PDZRN4: variants seen among roughly 807,000 people sequenced by gnomAD.
PDZRN4 encodes PDZ domain-containing RING finger protein 4.
Under a neutral mutation model 99.0 loss-of-function variants are expected in PDZRN4, and 70 were observed. That is an observed-to-expected ratio of 0.71 (90% CI 0.58 to 0.86). PDZRN4 has a LOEUF of 0.86. Ranked by LOEUF, PDZRN4 falls within the 40% of genes least tolerant of loss-of-function variation. The probability of loss-of-function intolerance (pLI) is 0.00; values close to 1 mark genes in which losing one functional copy is unlikely to be tolerated. For synonymous variants in PDZRN4, 551 were observed against 501.6 expected (o/e 1.10, Z -1.32); for missense variants, 1,474 against 1,331.2 (o/e 1.11, Z -1.67).
chr12:41,544,990 G>A (rs777757912), intron 5 of PDZRN4, among the ~76,000 whole-genome samples: 4 of 152,136 alleles, frequency 2.6e-5, no homozygotes, highest in African/African-American at 7.2e-5. Flanking sequence ...TTTAAGAACC[G>A]ATAGGACAAT....
chr12:41,403,277 G>A (rs758566016), intron 3 of PDZRN4, among the ~76,000 whole-genome samples: 70 of 151,994 alleles, frequency 4.6e-4, no homozygotes, highest in Non-Finnish European at 5.1e-4. Flanking sequence ...TGGTTTTTTT[G>A]CCCTGATTTT....
At chr12:41,373,068 G>A (rs1288656493) in intron 3 of PDZRN4, among the ~76,000 whole-genome samples, 1 of 152,096 alleles carries the variant, frequency 6.6e-6, no homozygotes, top group Non-Finnish European at 1.5e-5. Context: ...TGCAAAACCA[G>A]CAAGTTTTTA....
intron 3 of PDZRN4, among the ~76,000 whole-genome samples, chr12:41,200,614 C>A (rs751974880): frequency 1.1e-4 from 16 of 152,090 alleles, no homozygotes; most frequent in Non-Finnish European, 1.9e-4. Context: ...AGTGTGGTTC[C>A]CATTCTCCTC....
chr12:41,285,590 G>C (rs1163672746), intron 3 of PDZRN4, among the ~76,000 whole-genome samples: 3 of 152,118 alleles, frequency 2.0e-5, no homozygotes, highest in Non-Finnish European at 4.4e-5. Context: ...CAATAGCAAA[G>C]AGTTGGAACC....
At chr12:41,568,394 C>T (rs553143625) in intron 9 of PDZRN4, among the ~76,000 whole-genome samples, 3 of 152,228 alleles carry the variant, frequency 2.0e-5, no homozygotes, top group South Asian at 4.1e-4. Flanking sequence ...TCTGAATAAT[C>T]GTAGAGATTA....
At chr12:41,257,177 T>C (rs1951209346) in intron 3 of PDZRN4, among the ~76,000 whole-genome samples, 1 of 152,214 alleles carries the variant, frequency 6.6e-6, no homozygotes, top group Non-Finnish European at 1.5e-5. Flanking sequence ...GAATGAATTC[T>C]CTTTCTTCCT....
At position 41,269,861 on chromosome 12, in the gene PDZRN4, A is replaced by G. The variant is rs548258012; in HGVS notation, c.843+75673A>G. On this transcript the variant is annotated intron_variant, in intron 3 of 9. Coordinates refer to ENST00000402685, the MANE Select transcript of PDZRN4 (RefSeq NM_001164595.2). ...TGGGTTATCCTTGGGGAAGAAATAA[A>G]GTCAACACCAGGTTTTAAACCATAA... Among the ~76,000 whole-genome samples, 18 of 152,322 alleles carry G rather than the reference A, an allele frequency of 1.2e-4. No individual in the cohort carries two copies. In the South Asian group the frequency reaches 3.7e-3, roughly 32 times the overall value.
At position 41,188,886 on chromosome 12, in the gene PDZRN4, G is replaced by A; in HGVS notation, c.431G>A (p.Gly144Asp). The A allele has an allele frequency of 9.1e-7, 1 of 1,101,274 alleles. No homozygotes were observed. The highest frequency in any genetic ancestry group is 5.2e-5 in the Admixed American group (1 of 19,340). 68.2% of individuals were successfully genotyped at this position (1,101,274 alleles called of 1,614,324 possible). The change falls in exon 1 of 10, where the codon GGC becomes GAC. Residue 144 changes from glycine (G) to aspartate (D), a missense_variant. Transcript: ENST00000402685. ...ACACCCAGGGCTGGCCGGGGCGGGGGCGCGCGCGGGGGGCCGCCGGGCGGC... is the reference window on the plus strand; with the variant it reads ...ACACCCAGGGCTGGCCGGGGCGGGGACGCGCGCGGGGGGCCGCCGGGCGGC... ...GPTPRAGRGG[G>D]ARGGPPGGRW...
intron 3 of PDZRN4, among the ~76,000 whole-genome samples, chr12:41,372,345 G>T (rs1466178093): frequency 6.6e-6 from 1 of 152,120 alleles, no homozygotes; most frequent in Non-Finnish European, 1.5e-5. Flanking sequence ...AATATAACAT[G>T]AAAATGATAG....
intron 3 of PDZRN4, among the ~76,000 whole-genome samples, chr12:41,215,946 G>T (rs1028609648): frequency 6.6e-5 from 10 of 151,562 alleles, no homozygotes; most frequent in Non-Finnish European, 1.5e-5. Flanking sequence ...AAAGCATTTT[G>T]TAAATCATAA....
chr12:41,541,295 G>A (rs566904382), intron 5 of PDZRN4, among the ~76,000 whole-genome samples: 1 of 151,952 alleles, frequency 6.6e-6, no homozygotes, highest in South Asian at 2.1e-4. Flanking sequence ...CAAGGGCTAA[G>A]CAGTGTCTCA....
chr12:41,505,035 T>C (rs1938180754), intron 3 of PDZRN4, among the ~76,000 whole-genome samples: 17 of 152,160 alleles, frequency 1.1e-4, no homozygotes, highest in Admixed American at 1.0e-3. Context: ...GACATGATGA[T>C]TTCTACCTGG....
chr12:41,234,497 T>G (rs1018977115), intron 3 of PDZRN4, among the ~76,000 whole-genome samples: 1 of 152,074 alleles, frequency 6.6e-6, no homozygotes, highest in Admixed American at 6.6e-5. Flanking sequence ...GTGGAAAATA[T>G]AAGATTTTCA....
intron 3 of PDZRN4, among the ~76,000 whole-genome samples, chr12:41,231,393 G>A (rs1429914611): frequency 6.6e-6 from 1 of 152,062 alleles, no homozygotes; most frequent in Non-Finnish European, 1.5e-5. Flanking sequence ...TTGCAGAAAG[G>A]ATCAGATTTG....
chr12:41,388,336 G>C (rs1952186466), intron 3 of PDZRN4, among the ~76,000 whole-genome samples: 1 of 151,376 alleles, frequency 6.6e-6, no homozygotes, highest in Admixed American at 6.6e-5. Flanking sequence ...AATCTTACAA[G>C]TTTACCTATG....
At chr12:41,305,929 C>A (rs930345067) in intron 3 of PDZRN4, among the ~76,000 whole-genome samples, 1 of 152,146 alleles carries the variant, frequency 6.6e-6, no homozygotes, top group Admixed American at 6.5e-5. Flanking sequence ...AGGTACAATT[C>A]CTCTGGAAGC....
chr12:41,279,751 G>C (rs571920626), intron 3 of PDZRN4, among the ~76,000 whole-genome samples: 1 of 152,180 alleles, frequency 6.6e-6, no homozygotes, highest in Non-Finnish European at 1.5e-5. Context: ...CAAAGAACTA[G>C]AGTTGGAGAT....
intron 3 of PDZRN4, among the ~76,000 whole-genome samples, chr12:41,249,634 A>G (rs1189510716): frequency 6.6e-6 from 1 of 152,180 alleles, no homozygotes; most frequent in African/African-American, 2.4e-5. Context: ...GTTTATTTTC[A>G]ACCTCAATTA....
At chr12:41,249,065 T>C (rs1951151907) in intron 3 of PDZRN4, among the ~76,000 whole-genome samples, 1 of 152,164 alleles carries the variant, frequency 6.6e-6, no homozygotes, top group Admixed American at 6.5e-5. Context: ...TGGTTATTAC[T>C]AAACAAAAAT....
Sources: gnomAD v4.1 joint callset for allele counts (sites outside exome capture counted in the v4.1 genomes callset) on GRCh38, gnomAD v4.1.1 for gene constraint, MANE v1.5 for transcripts, NCBI Gene and HGNC (gene_info 2026-07-23, HGNC 2026-07-21) for gene names.